The following ALDH9A1 variants were observed in gnomAD, a reference collection of about 807,000 sequenced individuals.
ALDH9A1 encodes the protein 4-trimethylaminobutyraldehyde dehydrogenase.
Under a neutral mutation model 56.6 loss-of-function variants are expected in ALDH9A1, and 42 were observed. That is an observed-to-expected ratio of 0.74 (90% CI 0.58 to 0.96). ALDH9A1 has a LOEUF of 0.96. Among genes scored for constraint, ALDH9A1 ranks in the 40% least tolerant of loss-of-function variants. The pLI, the probability that ALDH9A1 is intolerant of heterozygous loss-of-function variation, is 0.00. For missense variants in ALDH9A1, 661 were observed against 651.5 expected, an observed-to-expected ratio of 1.01 and a Z score of -0.16; for synonymous variants, 242 against 236.0, an observed-to-expected ratio of 1.03 and a Z score of -0.23.
chr1:165,665,276 G>A, intron 9 of ALDH9A1, 146 bp from the exon 10 acceptor site: 2 of 663,812 alleles, frequency 3.0e-6, no homozygotes, highest in South Asian at 1.9e-5. Context: ...TTATCATCCA[G>A]GCAAAACAGA....
At position 165,698,530 on chromosome 1, in the gene ALDH9A1, A is replaced by AG; in HGVS notation, c.28dup (p.Leu10ProfsTer78). The AG allele has an allele frequency of 6.2e-7, 1 of 1,609,440 alleles. No individual in the cohort carries two copies. The highest frequency in any genetic ancestry group is 8.5e-7 in the Non-Finnish European group (1 of 1,178,548). On this transcript the variant is annotated frameshift_variant, in exon 1 of 11. Coordinates refer to ENST00000354775, the MANE Select transcript of ALDH9A1 (RefSeq NM_000696.4). LOFTEE classifies it high-confidence loss of function. ...CCGAAGACTGCGAAGAAGCGGGGAG[A>AG]GCGCGGCCAGGCCTGCTCGGAGAAA... is the stretch of plus-strand genomic sequence containing the variant.
chr1:165,680,000 G>A (rs918607980), intron 5 of ALDH9A1, among the ~76,000 whole-genome samples: 4 of 152,104 alleles, frequency 2.6e-5, no homozygotes, highest in Non-Finnish European at 4.4e-5. Context: ...GCAACAGGGT[G>A]AGACCCTGTC....
At chr1:165,676,445 G>T in intron 6 of ALDH9A1, 1 of 240,348 alleles carries the variant, frequency 4.2e-6, no homozygotes, top group Non-Finnish European at 8.1e-6. Flanking sequence ...AAGCGAACGG[G>T]TACTATTCAA....
rs200128612 is a variant in ALDH9A1, at chr1:165,665,133, A to G, written c.1350-3T>C. 2 of 1,612,328 alleles carry G rather than the reference A, an allele frequency of 1.2e-6. No homozygotes were observed. The highest frequency in any genetic ancestry group is 1.7e-6 in the Non-Finnish European group (2 of 1,178,960). ...CTCTATGAGCCCGTTGGATGTCCCT[A>G]TGAAGAAAAAAAAAATGTGTGCATT... On this transcript the variant is annotated splice_polypyrimidine_tract_variant and splice_region_variant and intron_variant, in intron 9 of 10. Transcript: ENST00000354775.
chr1:165,693,222 A>C (rs1649952221), intron 2 of ALDH9A1, among the ~76,000 whole-genome samples: 1 of 152,212 alleles, frequency 6.6e-6, no homozygotes, highest in African/African-American at 2.4e-5. Context: ...AATGGGATCT[A>C]AGTAAACTAA....
At chr1:165,681,996 C>T (rs1649565489) in intron 4 of ALDH9A1, 111 bp downstream of exon 4, 6 of 1,421,438 alleles carry the variant, frequency 4.2e-6, no homozygotes, top group Non-Finnish European at 5.8e-6. Flanking sequence ...AGAGCAGGCC[C>T]CTTCCGATTT....
intron 9 of ALDH9A1, 137 bp downstream of exon 9, chr1:165,667,172 T>A (rs1212900924): frequency 8.2e-7 from 1 of 1,218,520 alleles, no homozygotes; most frequent in Non-Finnish European, 1.1e-6. Context: ...TCTTCTGACT[T>A]AACCTGAAGC....
chr1:165,662,787 G>C lies in ALDH9A1; in HGVS notation c.*263C>G, dbSNP rs1025366142. 2.3e-6 allele frequency: 1 copy of C among 437,424 alleles called. No individual in the cohort carries two copies. The allele number at this position is 437,424 out of a possible 1,614,324, so 27.1% of individuals were successfully genotyped here. The stretch of plus-strand genomic sequence containing the variant: ...TAGTCTCTTTTCCTGTTCTCTAGAA[G>C]TATGTTACTGGCTCTTAAAAGATTT... On this transcript the variant is annotated 3_prime_UTR_variant, in exon 11 of 11. Transcript: ENST00000354775.
intron 4 of ALDH9A1, 112 bp from the exon 5 acceptor site, chr1:165,680,795 C>A: frequency 1.0e-6 from 1 of 994,488 alleles, no homozygotes; most frequent in Non-Finnish European, 1.5e-6. Flanking sequence ...TCTTCCCCAA[C>A]CAAATCCTAC....
chr1:165,677,101 G>A (rs1481482591), intron 6 of ALDH9A1, among the ~76,000 whole-genome samples: 1 of 152,172 alleles, frequency 6.6e-6, no homozygotes, highest in African/African-American at 2.4e-5. Flanking sequence ...GGCCGGGCAC[G>A]GTGGCACATG....
At position 165,668,948 on chromosome 1, in the gene ALDH9A1, A is replaced by G; in HGVS notation, c.1185T>C (p.Tyr395=). 6.2e-7 allele frequency: 1 copy of G among 1,607,782 alleles called. No individual in the cohort carries two copies. Among genetic ancestry groups the G allele is most frequent in the Non-Finnish European group, 8.5e-7 (1 of 1,174,376 alleles). ...TACTTAATACACAAGGTCTCATGTAATATCCATCCTTTAATTTGGGATCTT... is the reference window on the plus strand; with the variant it reads ...TACTTAATACACAAGGTCTCATGTAGTATCCATCCTTTAATTTGGGATCTT... The part of the protein sequence containing the change: ...VPEDPKLKDG[Y]YMRPCVLTNC... The change falls in exon 8 of 11, where the codon TAT becomes TAC. Residue 395 remains tyrosine, a synonymous_variant. Transcript: ENST00000354775.
Position 165,669,266 on chromosome 1 carries a change from T to C in ALDH9A1, c.1115A>G (p.Glu372Gly). The C allele has an allele frequency of 1.9e-6, 3 of 1,602,136 alleles. No individual in the cohort carries two copies. The highest frequency in any genetic ancestry group is 2.6e-6 in the Non-Finnish European group (3 of 1,174,966). ...CTACTGCCAATTATTTCTTACCTGC[T>C]CCTTTGCCACTTTGACAAACCCAAG... ...RVLGFVKVAK[E>G]QGAKVLCGGD... The change falls in exon 7 of 11, where the codon GAG becomes GGG. Residue 372 changes from glutamate to glycine, a missense_variant. Physicochemically the swap from Glu to Gly is moderately conservative, Grantham distance 98 (BLOSUM62 -2). Transcript: ENST00000354775.
At chr1:165,688,814 T>G (rs1332721421) in intron 2 of ALDH9A1, among the ~76,000 whole-genome samples, 1 of 152,220 alleles carries the variant, frequency 6.6e-6, no homozygotes, top group African/African-American at 2.4e-5. Context: ...TCTATTCAGT[T>G]ATGGAATAAA....
chr1:165,697,401 A>G (rs1558014871), intron 1 of ALDH9A1, among the ~76,000 whole-genome samples: 2 of 152,250 alleles, frequency 1.3e-5, no homozygotes, highest in Non-Finnish European at 2.9e-5. Flanking sequence ...GACCGTGGTA[A>G]CCATTTTGCA....
At chr1:165,683,255 G>T (rs1230709359) in intron 2 of ALDH9A1, 145 bp from the exon 3 acceptor site, 7 of 887,786 alleles carry the variant, frequency 7.9e-6, no homozygotes, top group African/African-American at 1.7e-5. Context: ...GTTACATTTA[G>T]AAGAGAGATA....
At chr1:165,689,288 G>C (rs1042771512) in intron 2 of ALDH9A1, among the ~76,000 whole-genome samples, 1 of 152,194 alleles carries the variant, frequency 6.6e-6, no homozygotes, top group Non-Finnish European at 1.5e-5. Flanking sequence ...TGATTGAATA[G>C]CAAAGGCCTT....
chr1:165,682,040 G>A, intron 4 of ALDH9A1, 67 bp downstream of exon 4: 1 of 1,580,270 alleles, frequency 6.3e-7, no homozygotes, highest in South Asian at 1.2e-5. Context: ...GAAAGGTAGA[G>A]AATGGGGAGA....
rs1202707598 is a variant in ALDH9A1 at position 165,667,440 on chromosome 1, T to C, written c.1218A>G (p.Arg406=). The change falls in exon 9 of 11, where the codon AGA becomes AGG. Residue 406 remains arginine, a synonymous_variant. Coordinates refer to ENST00000354775, the MANE Select transcript of ALDH9A1 (RefSeq NM_000696.4). The part of the protein sequence containing the change: ...YMRPCVLTNC[R]DDMTCVKEEI... ...CTTCCTTCACACAGGTCATGTCGTC[T>C]CTGCAATTAGCTGCAAACATTAAAA... 6.2e-7 allele frequency: 1 copy of C among 1,613,812 alleles called. No individual in the cohort carries two copies. Among genetic ancestry groups the C allele is most frequent in the Non-Finnish European group, 8.5e-7 (1 of 1,179,930 alleles).
At position 165,662,860 on chromosome 1, in the gene ALDH9A1, T is replaced by C. The variant is rs1648885471; in HGVS notation, c.*190A>G. On this transcript the variant is annotated 3_prime_UTR_variant, in exon 11 of 11. Transcript: ENST00000354775. ...AATCACAGCTTTCTTGATTAGTATC[T>C]ACAAGGCACTTAATGCACATTTTCA... 1.7e-6 allele frequency: 1 copy of C among 590,438 alleles called. No individual in the cohort carries two copies. The allele number at this position is 590,438 out of a possible 1,614,324, so 36.6% of individuals were successfully genotyped here. A position where few individuals can be genotyped will look rare whatever the true frequency, so the allele number is the denominator to read the frequency against.
Sources: allele counts gnomAD v4.1 joint callset (sites outside exome capture counted in the v4.1 genomes callset), GRCh38; gene constraint gnomAD v4.1.1; transcripts MANE v1.5; gene names NCBI Gene and HGNC (gene_info 2026-07-23, HGNC 2026-07-21).